The following DEPDC1B variants were observed in gnomAD, a reference collection of about 807,000 sequenced individuals.
DEPDC1B encodes the protein DEP domain-containing protein 1B.
Under a neutral mutation model 66.5 loss-of-function variants are expected in DEPDC1B, and 51 were observed. The observed-to-expected ratio is 0.77, with a 90% CI of 0.61 to 0.97. The LOEUF (loss-of-function observed/expected upper bound fraction) is 0.97. DEPDC1B is among the 50% of genes least tolerant of loss of function. The pLI, the probability that DEPDC1B is intolerant of heterozygous loss-of-function variation, is 0.00. For synonymous variants in DEPDC1B, 226 were observed against 223.6 expected (o/e 1.01, Z -0.10); for missense variants, 552 against 637.1 (o/e 0.87, Z 1.44).
intron 7 of DEPDC1B, among the ~76,000 whole-genome samples, chr5:60,638,169 G>T (rs1285021749): frequency 6.6e-6 from 1 of 152,126 alleles, no homozygotes; most frequent in Non-Finnish European, 1.5e-5. Context: ...AGGAATATCG[G>T]AACGAACTAT....
rs1561377769 is a variant in DEPDC1B at position 60,655,979 on chromosome 5, G to A, written c.315-8446C>T. 1.5e-5 allele frequency among the ~76,000 whole-genome samples: 2 copies of A among 134,508 alleles called. 1 individual carries two copies. The highest frequency in any genetic ancestry group is 3.0e-5 in the Non-Finnish European group (2 of 65,752). 88.2% of individuals were successfully genotyped at this position (134,508 alleles called of 152,430 possible). A position where few individuals can be genotyped will look rare whatever the true frequency, so the allele number is the denominator to read the frequency against. On this transcript the variant is annotated intron_variant, in intron 2 of 10. Coordinates refer to ENST00000265036, the MANE Select transcript of DEPDC1B (RefSeq NM_018369.3). ...TTTTATTCCCCTGTGGTCTAAGAGA[G>A]TACTTGATATAATTTCAATTTTCTT... is the stretch of plus-strand genomic sequence containing the variant.
chr5:60,623,587 C>A lies in DEPDC1B; in HGVS notation c.898+15163G>T, dbSNP rs76243000. Reference sequence around the variant, plus strand: ...TTGGATTTTTACCAAGCTAAATAATCCATGTATCAATTTTGGAAGAATTGA... The same window carrying A: ...TTGGATTTTTACCAAGCTAAATAATACATGTATCAATTTTGGAAGAATTGA... On this transcript the variant is annotated intron_variant, in intron 7 of 10. Transcript: ENST00000265036. Among the ~76,000 whole-genome samples, 42 of 152,228 alleles carry A rather than the reference C, an allele frequency of 2.8e-4. No homozygotes were observed. The East Asian group carries it at 8.1e-3, about 29-fold the overall frequency.
In DEPDC1B at chr5:60,689,169, C is replaced by T; in HGVS notation, c.49-1942G>A. 4 of 415,672 alleles carry T rather than the reference C, an allele frequency of 9.6e-6. No homozygotes were observed. The Admixed American group carries it at 1.0e-4, about 11-fold the overall frequency. 25.7% of individuals were successfully genotyped at this position (415,672 alleles called of 1,614,324 possible). On this transcript the variant is annotated intron_variant, in intron 1 of 10. Coordinates refer to ENST00000265036, the MANE Select transcript of DEPDC1B (RefSeq NM_018369.3). ...TGAGAACTAAAAAAAATCCAGTTTC[C>T]TTCCACTACAAGATGCCACTAGGCG...
At position 60,687,104 on chromosome 5, in the gene DEPDC1B, T is replaced by G. The variant is rs1246298658; in HGVS notation, c.172A>C (p.Arg58=). 3 of 1,614,104 alleles carry G rather than the reference T, an allele frequency of 1.9e-6. No homozygotes were observed. Among genetic ancestry groups the G allele is most frequent in the Non-Finnish European group, 2.5e-6 (3 of 1,180,052 alleles). The change falls in exon 2 of 11, where the codon AGG becomes CGG. Residue 58 remains arginine, a synonymous_variant. Transcript: ENST00000265036. ...TCAGGGCCGAAGTTTTGACTGCACC[T>G]CAGCAGCTCATGCAGCCAATCCACA... ...EAVDWLHELL[R]CSQNFGPEVT...
intron 1 of DEPDC1B, 66 bp downstream of exon 1, chr5:60,699,980 G>A: frequency 6.5e-7 from 1 of 1,533,440 alleles, no homozygotes; most frequent in Non-Finnish European, 8.8e-7. Flanking sequence ...CAAGCACTCT[G>A]TCCGCGCGCT....
At chr5:60,647,616 C>A in intron 2 of DEPDC1B, 83 bp from the exon 3 acceptor site, 1 of 1,463,742 alleles carries the variant, frequency 6.8e-7, no homozygotes, top group South Asian at 1.3e-5. Context: ...TTTGGTGTAT[C>A]TGAAAATTTA....
intron 2 of DEPDC1B, among the ~76,000 whole-genome samples, chr5:60,649,196 A>C (rs1335243638): frequency 6.6e-6 from 1 of 152,202 alleles, no homozygotes; most frequent in Non-Finnish European, 1.5e-5. Flanking sequence ...CTCTCTAAAT[A>C]ATAATTTATT....
rs1754288496 is a variant in DEPDC1B, at chr5:60,681,234, C to T, written c.314+5728G>A. Among the ~76,000 whole-genome samples the T allele has an allele frequency of 1.3e-5, 2 of 152,150 alleles. 1 individual carries two copies. Among genetic ancestry groups the T allele is most frequent in the African/African-American group, 4.8e-5 (2 of 41,422 alleles). ...AGCACCTGCATATACCACCCAGGGA[C>T]CTGAGGACCATCACACCTTGCCCAC... On this transcript the variant is annotated intron_variant, in intron 2 of 10. Transcript: ENST00000265036.
At chr5:60,634,063 T>G (rs1363424989) in intron 7 of DEPDC1B, among the ~76,000 whole-genome samples, 1 of 151,842 alleles carries the variant, frequency 6.6e-6, no homozygotes, top group Admixed American at 6.6e-5. Flanking sequence ...TGCAGTAGAG[T>G]CTGCAGCAGT....
chr5:60,695,800 CTTTT>C (rs966677681), intron 1 of DEPDC1B, among the ~76,000 whole-genome samples: 1 of 152,034 alleles, frequency 6.6e-6, no homozygotes, highest in African/African-American at 2.4e-5. Context: ...AAACTTCTTT[CTTTT>C]TTTATTTTTT....
chr5:60,629,043 T>C (rs539103126), intron 7 of DEPDC1B, among the ~76,000 whole-genome samples: 5 of 152,264 alleles, frequency 3.3e-5, no homozygotes, highest in Admixed American at 6.5e-5. Flanking sequence ...CTGGGATGAC[T>C]TGGGGCCGGC....
intron 2 of DEPDC1B, among the ~76,000 whole-genome samples, chr5:60,671,621 C>G (rs1279500916): frequency 6.6e-6 from 1 of 152,172 alleles, no homozygotes; most frequent in East Asian, 1.9e-4. Flanking sequence ...GAGGTCAGGC[C>G]TTCATCACAG....
intron 1 of DEPDC1B, among the ~76,000 whole-genome samples, chr5:60,693,680 G>T (rs753771160): frequency 3.3e-5 from 5 of 152,006 alleles, no homozygotes; most frequent in Non-Finnish European, 7.4e-5. Flanking sequence ...CCTGTGCTAC[G>T]GACTTTTCTT....
At chr5:60,626,036 T>A (rs1752803093) in intron 7 of DEPDC1B, among the ~76,000 whole-genome samples, 1 of 152,144 alleles carries the variant, frequency 6.6e-6, no homozygotes, top group Non-Finnish European at 1.5e-5. Context: ...AGTATATGAT[T>A]CTAGTGATTT....
At position 60,667,215 on chromosome 5, in the gene DEPDC1B, C is replaced by A. The variant is rs370941083; in HGVS notation, c.315-19682G>T. Among the ~76,000 whole-genome samples the A allele has an allele frequency of 1.1e-4, 17 of 152,056 alleles. No individual in the cohort carries two copies. In the South Asian group the frequency reaches 3.3e-3, roughly 30 times the overall value. ...TTTTAAGAAAGGTATTAAGACCACA[C>A]AACATAAAGGAAAAGACTGATAGAT... On this transcript the variant is annotated intron_variant, in intron 2 of 10. Coordinates refer to ENST00000265036, the MANE Select transcript of DEPDC1B (RefSeq NM_018369.3).
At chr5:60,615,264 G>A (rs950105409) in intron 7 of DEPDC1B, among the ~76,000 whole-genome samples, 6 of 152,130 alleles carry the variant, frequency 3.9e-5, no homozygotes, top group Non-Finnish European at 5.9e-5. Flanking sequence ...CTGACATAAC[G>A]GGTTCATCTC....
intron 2 of DEPDC1B, among the ~76,000 whole-genome samples, chr5:60,660,219 G>A (rs913192481): frequency 2.0e-5 from 3 of 150,100 alleles, no homozygotes; most frequent in African/African-American, 7.4e-5. Flanking sequence ...GACAGAAAGC[G>A]AGGAGAGAGA....
chr5:60,661,458 C>T (rs531081569), intron 2 of DEPDC1B, among the ~76,000 whole-genome samples: 9 of 152,122 alleles, frequency 5.9e-5, no homozygotes, highest in East Asian at 1.9e-4. Flanking sequence ...TTTTTTCAGA[C>T]GGGAAACGTT....
intron 7 of DEPDC1B, among the ~76,000 whole-genome samples, chr5:60,637,092 A>T (rs1753061257): frequency 6.6e-6 from 1 of 152,242 alleles, no homozygotes; most frequent in Non-Finnish European, 1.5e-5. Context: ...AAATCTAAGA[A>T]GTTATTTTTA....
Sources: allele counts gnomAD v4.1 joint callset (sites outside exome capture counted in the v4.1 genomes callset), GRCh38; gene constraint gnomAD v4.1.1; transcripts MANE v1.5; gene names NCBI Gene and HGNC (gene_info 2026-07-23, HGNC 2026-07-21).